The following ROBO2 variants were observed in gnomAD, a reference collection of about 807,000 sequenced individuals.
The protein encoded by ROBO2 is roundabout homolog 2.
A neutral mutation model predicts 160.8 loss-of-function variants in ROBO2; 53 were observed. That is an observed-to-expected ratio of 0.33 (90% CI 0.26 to 0.41). ROBO2 has a LOEUF of 0.41. Among genes scored for constraint, ROBO2 ranks in the 10% least tolerant of loss-of-function variants. ROBO2 has a pLI of 1.00. For synonymous variants in ROBO2, 664 were observed against 611.7 expected (o/e 1.09, Z -1.26); for missense variants, 1,577 against 1,722.4 (o/e 0.92, Z 1.49).
intron 2 of ROBO2, among the ~76,000 whole-genome samples, chr3:76,649,600 A>C (rs2091156534): frequency 6.6e-6 from 1 of 152,154 alleles, no homozygotes; most frequent in African/African-American, 2.4e-5. Flanking sequence ...TTATCCAGTG[A>C]CCTTCACTGG....
Position 76,467,250 on chromosome 3 carries a change from T to C in ROBO2, c.109+529648T>C, listed in dbSNP as rs534618573. Among the ~76,000 whole-genome samples the C allele has an allele frequency of 1.4e-4, 21 of 152,236 alleles. No individual in the cohort carries two copies. In the East Asian group the frequency reaches 3.7e-3, roughly 27 times the overall value. On this transcript the variant is annotated intron_variant, in intron 2 of 26. Transcript: ENST00000487694. ...TGAAAATAATAATGCAGCCATTTTT[T>C]ATTTCTAATTATAAGACAACCAAAG...
intron 2 of ROBO2, among the ~76,000 whole-genome samples, chr3:76,716,041 G>A (rs1021612498): frequency 2.6e-5 from 4 of 152,010 alleles, no homozygotes; most frequent in African/African-American, 9.7e-5. Context: ...TCTTATAAAG[G>A]GCTACTTTGT....
intron 7 of ROBO2, among the ~76,000 whole-genome samples, chr3:77,550,349 A>C (rs1158360995): frequency 6.6e-6 from 1 of 152,048 alleles, no homozygotes; most frequent in Non-Finnish European, 1.5e-5. Context: ...AGTTGAGTCC[A>C]TCAAGTATTC....
chr3:77,584,804 A>T (rs555706063), intron 16 of ROBO2, among the ~76,000 whole-genome samples: 135 of 151,896 alleles, frequency 8.9e-4, no homozygotes, highest in African/African-American at 3.2e-3. Flanking sequence ...GTATACCAAA[A>T]AGGATTTAAC....
intron 2 of ROBO2, among the ~76,000 whole-genome samples, chr3:77,015,965 A>AT (rs560481757): frequency 7.9e-5 from 12 of 151,456 alleles, no homozygotes; most frequent in Admixed American, 5.9e-4. Flanking sequence ...CTAATATGTT[A>AT]TTTTTTTTAT....
At chr3:77,222,156 G>T (rs2085902018) in intron 2 of ROBO2, among the ~76,000 whole-genome samples, 1 of 151,968 alleles carries the variant, frequency 6.6e-6, no homozygotes, top group African/African-American at 2.4e-5. Flanking sequence ...CGGCCCAATG[G>T]ACTCTCAATA....
At chr3:76,016,397 G>A (rs1397572988) in intron 2 of ROBO2, among the ~76,000 whole-genome samples, 1 of 151,176 alleles carries the variant, frequency 6.6e-6, no homozygotes, top group Admixed American at 6.6e-5. Context: ...AATGAGATTT[G>A]GCATGAAATC....
At chr3:76,686,856 T>TATTATACTATAATATAAAA (rs2092697163) in intron 2 of ROBO2, among the ~76,000 whole-genome samples, 2 of 152,090 alleles carry the variant, frequency 1.3e-5, no homozygotes, top group South Asian at 4.1e-4. Context: ...GCTACAGCTA[T>TATTATACTATAATATAAAA]GTCATTGCAT....
chr3:75,918,956 G>C (rs1169721540), intron 1 of ROBO2, among the ~76,000 whole-genome samples: 1 of 152,058 alleles, frequency 6.6e-6, no homozygotes, highest in African/African-American at 2.4e-5. Context: ...GTGGCGTTTT[G>C]TAAATATACA....
intron 2 of ROBO2, among the ~76,000 whole-genome samples, chr3:76,840,160 A>G (rs1407359321): frequency 6.7e-6 from 1 of 149,942 alleles, no homozygotes; most frequent in Admixed American, 6.6e-5. Context: ...TATCTTTTGT[A>G]TTTTTTTAAT....
chr3:76,568,878 AAT>A (rs1190791069), intron 2 of ROBO2, among the ~76,000 whole-genome samples: 1 of 152,198 alleles, frequency 6.6e-6, no homozygotes, highest in African/African-American at 2.4e-5. Context: ...AAATGATGTA[AAT>A]ATATTTTAGA....
chr3:77,373,513 C>T (rs1241149136), intron 2 of ROBO2, among the ~76,000 whole-genome samples: 1 of 151,932 alleles, frequency 6.6e-6, no homozygotes, highest in African/African-American at 2.4e-5. Context: ...TATCATATTT[C>T]CATGGTAGGT....
At chr3:76,462,384 G>A (rs1308741475) in intron 2 of ROBO2, among the ~76,000 whole-genome samples, 3 of 152,048 alleles carry the variant, frequency 2.0e-5, no homozygotes, top group African/African-American at 7.2e-5. Context: ...TGAAAACTCA[G>A]TACATATACA....
intron 2 of ROBO2, among the ~76,000 whole-genome samples, chr3:76,602,917 T>C (rs1350396767): frequency 6.6e-6 from 1 of 152,210 alleles, no homozygotes; most frequent in East Asian, 1.9e-4. Context: ...TGGTATTAAA[T>C]TAAAGAGACA....
intron 2 of ROBO2, among the ~76,000 whole-genome samples, chr3:76,609,693 A>T (rs923244230): frequency 2.0e-5 from 3 of 152,178 alleles, no homozygotes; most frequent in Non-Finnish European, 4.4e-5. Context: ...TGCCTTTACA[A>T]TGTGGATGCC....
chr3:76,060,776 A>C (rs1057364795), intron 2 of ROBO2, among the ~76,000 whole-genome samples: 2 of 152,210 alleles, frequency 1.3e-5, no homozygotes, highest in African/African-American at 2.4e-5. Context: ...TATGTGAAAG[A>C]TAATTAATAG....
intron 25 of ROBO2, among the ~76,000 whole-genome samples, chr3:77,645,167 T>C (rs559545514): frequency 6.6e-6 from 1 of 152,320 alleles, no homozygotes; most frequent in Non-Finnish European, 1.5e-5. Context: ...TTAACACTTA[T>C]ACATGAAATT....
At chr3:76,458,227 C>A (rs562841578) in intron 2 of ROBO2, among the ~76,000 whole-genome samples, 2 of 152,272 alleles carry the variant, frequency 1.3e-5, no homozygotes, top group South Asian at 2.1e-4. Context: ...CCCAAGTCAC[C>A]TCTTGAATGC....
intron 2 of ROBO2, among the ~76,000 whole-genome samples, chr3:76,344,398 T>C (rs2074402480): frequency 6.6e-6 from 1 of 152,134 alleles, no homozygotes; most frequent in South Asian, 2.1e-4. Flanking sequence ...ATGAAGACTT[T>C]AAAGGTATTG....
Sources: allele counts gnomAD v4.1 joint callset (sites outside exome capture counted in the v4.1 genomes callset), GRCh38; gene constraint gnomAD v4.1.1; transcripts MANE v1.5; gene names NCBI Gene and HGNC (gene_info 2026-07-23, HGNC 2026-07-21).